XK: variants seen among roughly 807,000 people sequenced by gnomAD.
The protein encoded by XK is endoplasmic reticulum membrane adapter protein XK.
A neutral mutation model predicts 14.0 loss-of-function variants in XK; 2 were observed. The observed-to-expected ratio is 0.14, with a 90% confidence interval of 0.06 to 0.45. XK has a LOEUF of 0.45. Ranked by LOEUF, XK falls within the 20% of genes least tolerant of loss-of-function variation. XK has a pLI of 0.98. For synonymous variants in XK, 149 were observed against 147.5 expected (o/e 1.01, Z -0.08); for missense variants, 235 against 341.5 (o/e 0.69, Z 2.46).
chrX:37,715,379 T>C (rs1927747657), intron 2 of XK, among the ~76,000 whole-genome samples: 1 of 111,760 alleles, frequency 8.9e-6, no homozygotes, highest in East Asian at 2.8e-4. Flanking sequence ...CTTTAAACTT[T>C]ATCACACTGC....
intron 2 of XK, among the ~76,000 whole-genome samples, chrX:37,707,451 G>C (rs1470714256): frequency 9.2e-6 from 1 of 108,731 alleles, no homozygotes; most frequent in Admixed American, 9.5e-5. Flanking sequence ...TTCTCAGACG[G>C]GGCGGCTGCC....
rs2230148 is a variant in XK, at chrX:37,728,551, A to T, written c.*89A>T. The T allele has an allele frequency of 0.17, 162,667 of 974,749 alleles. 9,645 individuals are homozygous for T. The highest frequency in any genetic ancestry group is 0.2 in the South Asian group (10,104 of 50,537). 80.3% of individuals were successfully genotyped at this position (974,749 alleles called of 1,213,427 possible). A position where few individuals can be genotyped will look rare whatever the true frequency, so the allele number is the denominator to read the frequency against. On this transcript the variant is annotated 3_prime_UTR_variant, in exon 3 of 3. Coordinates refer to ENST00000378616, the MANE Select transcript of XK (RefSeq NM_021083.4). ...AAATAATGAGCCCTACACAGGGAAC[A>T]AGGCAGGAAGTTAGCTGTTAACTCC...
intron 1 of XK, among the ~76,000 whole-genome samples, chrX:37,686,494 A>C (rs1556440216): frequency 8.9e-6 from 1 of 112,348 alleles, no homozygotes; most frequent in Non-Finnish European, 1.9e-5. Context: ...CTTGTGGTTC[A>C]ACCTCATTAA....
At chrX:37,715,411 AT>A (rs1176989966) in intron 2 of XK, among the ~76,000 whole-genome samples, 2 of 110,849 alleles carry the variant, frequency 1.8e-5, no homozygotes, top group African/African-American at 3.3e-5. Flanking sequence ...TGAAACTTGC[AT>A]TTTTTTTCAG....
Position 37,729,344 on chromosome X carries a change from C to G in XK, c.*882C>G, listed in dbSNP as rs1556450656. ...GTTTTTTAGAAAACCCCACAGAAAT[C>G]TCTCACCCAGTTCAGGTGTATAGGG... On this transcript the variant is annotated 3_prime_UTR_variant, in exon 3 of 3. Transcript: ENST00000378616. 1 of 111,701 alleles carries G rather than the reference C, an allele frequency of 9.0e-6. No individual in the cohort carries two copies. The highest frequency in any genetic ancestry group is 2.8e-4 in the East Asian group (1 of 3,584). The allele number at this position is 111,701 out of a possible 1,213,427, so 9.2% of individuals were successfully genotyped here.
rs782643617 is a variant in XK, at chrX:37,722,665, AT to A, written c.509-4969del. Among the ~76,000 whole-genome samples the A allele has an allele frequency of 3.6e-5, 4 of 112,071 alleles. No individual in the cohort carries two copies. The East Asian group carries it at 8.4e-4, about 24-fold the overall frequency. The stretch of plus-strand genomic sequence containing the variant: ...ATTCACTAATTTTTTTGAAAAGTCT[AT>A]TCCATAAAAGCATTTCATGAGTTCA... On this transcript the variant is annotated intron_variant, in intron 2 of 2. Transcript: ENST00000378616.
rs139213928 is a variant in XK at position 37,692,804 on chromosome X, G to T, written c.246-1482G>T. On this transcript the variant is annotated intron_variant, in intron 1 of 2. Transcript: ENST00000378616. Reference sequence around the variant, plus strand: ...TCATTAATTTGAGTTTTCCTTCAGAGAAAATTCAATTGGACGTGCTTGGGA... The same window carrying T: ...TCATTAATTTGAGTTTTCCTTCAGATAAAATTCAATTGGACGTGCTTGGGA... 7.8e-3 allele frequency among the ~76,000 whole-genome samples: 882 copies of T among 112,515 alleles called. 1 individual carries two copies. Among genetic ancestry groups the T allele is most frequent in the African/African-American group, 0.027 (837 of 30,964 alleles).
rs1556450823 is a variant in XK at position 37,730,233 on chromosome X, G to A, written c.*1771G>A. On this transcript the variant is annotated 3_prime_UTR_variant, in exon 3 of 3. Coordinates refer to ENST00000378616, the MANE Select transcript of XK (RefSeq NM_021083.4). ...CATCCCAACACATCACTTACCACTT[G>A]CACTATTCTTAATAGGCCTAAAATA... 2 of 111,812 alleles carry A rather than the reference G, an allele frequency of 1.8e-5. No homozygotes were observed. Among genetic ancestry groups the A allele is most frequent in the Admixed American group, 9.5e-5 (1 of 10,557 alleles). 9.2% of individuals were successfully genotyped at this position (111,812 alleles called of 1,213,427 possible).
chrX:37,731,562 A>G lies in XK; in HGVS notation c.*3100A>G, dbSNP rs1928088915. The G allele has an allele frequency of 8.9e-6, 1 of 112,590 alleles. No homozygotes were observed. Among genetic ancestry groups the G allele is most frequent in the Non-Finnish European group, 1.9e-5 (1 of 53,298 alleles). 9.3% of individuals were successfully genotyped at this position (112,590 alleles called of 1,213,427 possible). ...CTATGCATATTTATAGAGTTATTAT[A>G]GTTATTCAAATCCATAAGCAGGTTA... On this transcript the variant is annotated 3_prime_UTR_variant, in exon 3 of 3. Coordinates refer to ENST00000378616, the MANE Select transcript of XK (RefSeq NM_021083.4).
In XK at chrX:37,694,502, A is replaced by G; in HGVS notation, c.462A>G (p.Leu154=). The change falls in exon 2 of 3, where the codon CTA becomes CTG. Residue 154 remains leucine, a synonymous_variant. Coordinates refer to ENST00000378616, the MANE Select transcript of XK (RefSeq NM_021083.4). ...AFLGSAPQLT[L]QLYISVMQQD... The stretch of plus-strand genomic sequence containing the variant: ...TGGGCTCAGCCCCCCAGCTGACCCT[A>G]CAGCTGTACATAAGTGTCATGCAGC... 1 of 1,191,819 alleles carries G rather than the reference A, an allele frequency of 8.4e-7. No individual in the cohort carries two copies. The highest frequency in any genetic ancestry group is 3.0e-5 in the East Asian group (1 of 33,100).
intron 2 of XK, among the ~76,000 whole-genome samples, chrX:37,694,757 AT>A (rs1473510870): frequency 8.9e-6 from 1 of 112,098 alleles, no homozygotes; most frequent in Non-Finnish European, 1.9e-5. Context: ...GGGTTACCTA[AT>A]CTGTGATCCA....
chrX:37,708,171 G>A (rs1247793271), intron 2 of XK, among the ~76,000 whole-genome samples: 1 of 112,031 alleles, frequency 8.9e-6, no homozygotes, highest in Non-Finnish European at 1.9e-5. Context: ...GTCCAGCTTC[G>A]GCTCGGCATC....
intron 1 of XK, among the ~76,000 whole-genome samples, chrX:37,691,522 G>A (rs1927202833): frequency 8.9e-6 from 1 of 111,852 alleles, no homozygotes; most frequent in Admixed American, 9.5e-5. Flanking sequence ...TTCAGTGTTT[G>A]CTGATTTCTC....
At position 37,727,691 on chromosome X, in the gene XK, C is replaced by T. The variant is rs1253754648; in HGVS notation, c.564C>T (p.Asn188=). The T allele has an allele frequency of 1.7e-6, 2 of 1,209,177 alleles. No homozygotes were observed. The highest frequency in any genetic ancestry group is 1.8e-5 in the African/African-American group (1 of 56,964). Residue 188 remains asparagine, a synonymous_variant, in exon 3 of 3, where the codon AAC becomes AAT. Transcript: ENST00000378616. ...LSIVYGALRC[N]ILAIKIKYDE... Reference sequence around the variant, plus strand: ...TTGTGTATGGAGCCTTGCGCTGCAACATCCTAGCCATCAAAATCAAGTACG... The same window carrying T: ...TTGTGTATGGAGCCTTGCGCTGCAATATCCTAGCCATCAAAATCAAGTACG...
intron 2 of XK, among the ~76,000 whole-genome samples, chrX:37,706,889 C>G (rs889504353): frequency 9.0e-6 from 1 of 110,922 alleles, no homozygotes; most frequent in Non-Finnish European, 1.9e-5. Flanking sequence ...TCTTGCACCC[C>G]CCTTAATCCA....
At position 37,729,305 on chromosome X, in the gene XK, TG is replaced by T. The variant is rs1180456647; in HGVS notation, c.*845del. 9.0e-6 allele frequency: 1 copy of T among 111,714 alleles called. No individual in the cohort carries two copies. Among genetic ancestry groups the T allele is most frequent in the East Asian group, 2.8e-4 (1 of 3,568 alleles). The allele number at this position is 111,714 out of a possible 1,213,427, so 9.2% of individuals were successfully genotyped here. ...CAGGACCATTTTAGAAGAGTTACCT[TG>T]GTTAACTTAAGGGTTTTTTAGAAAA... is the stretch of plus-strand genomic sequence containing the variant. On this transcript the variant is annotated 3_prime_UTR_variant, in exon 3 of 3. Transcript: ENST00000378616.
At chrX:37,687,194 TACAC>T (rs36002435) in intron 1 of XK, among the ~76,000 whole-genome samples, 1,206 of 86,995 alleles carry the variant, frequency 0.014, 10 homozygotes, top group African/African-American at 0.027. Context: ...CTCTCTCTCT[TACAC>T]ACACACACAC....
intron 2 of XK, among the ~76,000 whole-genome samples, chrX:37,726,941 A>G (rs782762652): frequency 1.3e-3 from 148 of 112,124 alleles, no homozygotes; most frequent in African/African-American, 4.5e-3. Context: ...CTGTTTGTAT[A>G]TCTACTGCTG....
chrX:37,699,746 A>C (rs1228773021), intron 2 of XK, among the ~76,000 whole-genome samples: 1 of 112,128 alleles, frequency 8.9e-6, no homozygotes, highest in Non-Finnish European at 1.9e-5. Flanking sequence ...TTCCTCAAAA[A>C]GACGGTCCAG....
Sources: gnomAD v4.1 joint callset for allele counts (sites outside exome capture counted in the v4.1 genomes callset) on GRCh38, gnomAD v4.1.1 for gene constraint, MANE v1.5 for transcripts, NCBI Gene and HGNC (gene_info 2026-07-23, HGNC 2026-07-21) for gene names.